Variants in GTF2I observed in about 807,000 individuals in gnomAD.
GTF2I encodes the protein general transcription factor II-I.
GTF2I carries 12 observed loss-of-function variants against 67.6 expected under a neutral mutation model. The observed-to-expected ratio is 0.18, with a 90% CI of 0.11 to 0.29. GTF2I has a LOEUF of 0.29. Ranked by LOEUF, GTF2I falls within the 10% of genes least tolerant of loss-of-function variation. The pLI, the probability that GTF2I is intolerant of heterozygous loss-of-function variation, is 1.00. For missense variants in GTF2I, 271 were observed against 580.1 expected, an observed-to-expected ratio of 0.47 and a Z score of 5.47; for synonymous variants, 149 against 197.0, an observed-to-expected ratio of 0.76 and a Z score of 2.04.
chr7:74,720,266 C>T (rs1046853297), intron 12 of GTF2I, among the ~76,000 whole-genome samples: 11 of 152,252 alleles, frequency 7.2e-5, no homozygotes, highest in Admixed American at 3.3e-4. Flanking sequence ...CTAGCTGCTG[C>T]GTAACCTTTC....
intron 6 of GTF2I, among the ~76,000 whole-genome samples, chr7:74,702,006 T>G (rs782625557): frequency 3.5e-4 from 54 of 152,344 alleles, no homozygotes; most frequent in Middle Eastern, 3.4e-3. Context: ...AGCCGTAGCT[T>G]CTTTTTATTG....
At chr7:74,700,814 G>GT (rs1554399698) in intron 6 of GTF2I, among the ~76,000 whole-genome samples, 180 bp downstream of exon 6, 2 of 152,130 alleles carry the variant, frequency 1.3e-5, no homozygotes, top group East Asian at 3.8e-4. Flanking sequence ...GTGGAGACTT[G>GT]TTTTTTTGTT....
At chr7:74,720,888 A>G (rs1554404472) in intron 12 of GTF2I, among the ~76,000 whole-genome samples, 1 of 152,068 alleles carries the variant, frequency 6.6e-6, no homozygotes, top group Admixed American at 6.6e-5. Context: ...TAGAATGTAA[A>G]TACTTGCTTT....
chr7:74,705,225 CCTAATTT>C lies in GTF2I; in HGVS notation c.641+9_641+15del, dbSNP rs782304678. The stretch of plus-strand genomic sequence containing the variant: ...TACTATCTCCAGGTGGAAGGTAAAA[CCTAATTT>C]CATTACTGCTGTTTAACTCCCACAC... On this transcript the variant is annotated splice_region_variant and intron_variant, in intron 7 of 34. Transcript: ENST00000573035. The C allele has an allele frequency of 3.2e-6, 5 of 1,555,240 alleles. No individual in the cohort carries two copies. In the African/African-American group the frequency reaches 4.1e-5, roughly 13 times the overall value.
At chr7:74,660,439 G>T (rs1222168401) in intron 1 of GTF2I, among the ~76,000 whole-genome samples, 2 of 151,892 alleles carry the variant, frequency 1.3e-5, no homozygotes, top group Non-Finnish European at 2.9e-5. Context: ...TGATCCGCCT[G>T]CCTCGGTCTC....
chr7:74,670,355 C>A (rs1377779679), intron 1 of GTF2I, among the ~76,000 whole-genome samples: 10 of 152,118 alleles, frequency 6.6e-5, no homozygotes, highest in African/African-American at 2.4e-4. Context: ...GCTCACCTTC[C>A]TAATAGCTTT....
intron 1 of GTF2I, among the ~76,000 whole-genome samples, 178 bp downstream of exon 1, chr7:74,658,246 C>G (rs1804104769): frequency 6.7e-6 from 1 of 150,094 alleles, no homozygotes; most frequent in Admixed American, 6.6e-5. Context: ...CTCCCCCTAC[C>G]CCCACCCCCA....
intron 6 of GTF2I, among the ~76,000 whole-genome samples, chr7:74,703,156 TAA>T (rs1456513822): frequency 1.3e-5 from 2 of 152,172 alleles, no homozygotes; most frequent in Non-Finnish European, 1.5e-5. Flanking sequence ...AGTCTTGATA[TAA>T]GTCTCTAATT....
intron 6 of GTF2I, among the ~76,000 whole-genome samples, chr7:74,700,867 C>T (rs1438110547): frequency 6.6e-6 from 1 of 152,220 alleles, no homozygotes; most frequent in Non-Finnish European, 1.5e-5. Context: ...CATACATCTG[C>T]CCTCACTTAC....
chr7:74,680,598 C>T (rs370020091), intron 1 of GTF2I, among the ~76,000 whole-genome samples: 21 of 151,994 alleles, frequency 1.4e-4, no homozygotes, highest in African/African-American at 2.7e-4. Context: ...AAAAATTAGC[C>T]GGGCGTGGTG....
intron 8 of GTF2I, among the ~76,000 whole-genome samples, chr7:74,709,707 G>A (rs587714823): frequency 3.9e-4 from 59 of 149,810 alleles, no homozygotes; most frequent in African/African-American, 1.4e-3. Flanking sequence ...GAGTCTTGCT[G>A]TGTCGCCCAG....
At chr7:74,692,066 C>T (rs2131298909) in intron 3 of GTF2I, among the ~76,000 whole-genome samples, 1 of 150,838 alleles carries the variant, frequency 6.6e-6, no homozygotes, top group East Asian at 1.9e-4. Context: ...CATGAGCCAC[C>T]ACTCTCGGCT....
At chr7:74,696,823 T>C (rs1192789885) in intron 3 of GTF2I, among the ~76,000 whole-genome samples, 1 of 152,122 alleles carries the variant, frequency 6.6e-6, no homozygotes, top group Non-Finnish European at 1.5e-5. Context: ...TACTTGTTTG[T>C]GTAAAGTACT....
intron 9 of GTF2I, among the ~76,000 whole-genome samples, chr7:74,712,532 GTGTGTC>G (rs1471358738): frequency 2.3e-5 from 3 of 129,966 alleles, no homozygotes; most frequent in South Asian, 2.3e-4. Context: ...GTGTGTGTGT[GTGTGTC>G]ATGTCATATT....
chr7:74,667,579 G>C (rs1805089908), intron 1 of GTF2I, among the ~76,000 whole-genome samples: 1 of 151,462 alleles, frequency 6.6e-6, no homozygotes, highest in Admixed American at 6.6e-5. Flanking sequence ...GCAGTGGTAT[G>C]CTTTTGGCTC....
intron 1 of GTF2I, 199 bp from the exon 2 acceptor site, chr7:74,688,920 TAACAA>T: frequency 2.1e-6 from 1 of 487,412 alleles, no homozygotes; most frequent in East Asian, 3.4e-5. Context: ...TTTCTGGAAA[TAACAA>T]TATATAGAAA....
At chr7:74,660,151 C>T (rs1386775889) in intron 1 of GTF2I, among the ~76,000 whole-genome samples, 3 of 150,732 alleles carry the variant, frequency 2.0e-5, no homozygotes, top group South Asian at 4.2e-4. Flanking sequence ...CTTTCTTGCT[C>T]ATATGCAGCC....
chr7:74,695,395 A>G (rs587632199), intron 3 of GTF2I, among the ~76,000 whole-genome samples: 1 of 152,292 alleles, frequency 6.6e-6, no homozygotes, highest in South Asian at 2.1e-4. Context: ...GAGTCAATGT[A>G]ACTTTTATAT....
chr7:74,729,920 C>G (rs1277662478), intron 13 of GTF2I, among the ~76,000 whole-genome samples: 1 of 146,048 alleles, frequency 6.8e-6, no homozygotes, highest in African/African-American at 2.5e-5. Flanking sequence ...TTTGCTTGAT[C>G]TTTTCTGCCC....
Sources: gnomAD v4.1 joint callset for allele counts (sites outside exome capture counted in the v4.1 genomes callset) on GRCh38, gnomAD v4.1.1 for gene constraint, MANE v1.5 for transcripts, NCBI Gene and HGNC (gene_info 2026-07-23, HGNC 2026-07-21) for gene names.